Variants in POM121 observed in about 807,000 individuals in gnomAD.
POM121 encodes nuclear envelope pore membrane protein POM 121.
In POM121, 32 loss-of-function variants were observed where a neutral mutation model predicts 81.3. The observed-to-expected ratio is 0.39, with a 90% confidence interval of 0.30 to 0.53. The LOEUF (loss-of-function observed/expected upper bound fraction) is 0.53. Ranked by LOEUF, POM121 falls within the 20% of genes least tolerant of loss-of-function variation. POM121 has a pLI of 0.66. For synonymous variants in POM121, 514 were observed against 694.2 expected (o/e 0.74, Z 4.08); for missense variants, 1,138 against 1,614.6 (o/e 0.70, Z 5.06).
intron 3 of POM121, among the ~76,000 whole-genome samples, chr7:72,900,565 C>T (rs782060272): frequency 2.6e-5 from 4 of 151,838 alleles, no homozygotes; most frequent in Non-Finnish European, 4.4e-5. Flanking sequence ...AGTGCAGTGG[C>T]GCAATCTTGG....
chr7:72,925,221 G>T lies in POM121; in HGVS notation c.100G>T (p.Ala34Ser). ...CCGGGGCTGCGGCGGGCCGGCCAGG[G>T]CGGTGCTCCTGGGCCTGTCGCTGGT... ...RGRGCGGPARAVLLGLSLVGL... is the reference protein window; with the variant it reads ...RGRGCGGPARSVLLGLSLVGL... The change falls in exon 1 of 13, where the codon GCG becomes TCG. Residue 34 changes from alanine (A) to serine (S), a missense_variant. Coordinates refer to ENST00000434423, the MANE Select transcript of POM121 (RefSeq NM_001387691.1). The T allele has an allele frequency of 6.5e-7, 1 of 1,531,198 alleles. No individual in the cohort carries two copies. The highest frequency in any genetic ancestry group is 1.2e-5 in the South Asian group (1 of 83,606). 94.9% of individuals were successfully genotyped at this position (1,531,198 alleles called of 1,614,324 possible).
At chr7:72,941,663 G>C (rs1253124616) in intron 10 of POM121, among the ~76,000 whole-genome samples, 174 bp from the exon 11 acceptor site, 2 of 152,018 alleles carry the variant, frequency 1.3e-5, no homozygotes. Context: ...CTGTGAGGTA[G>C]AAATAACACT....
At chr7:72,887,290 C>T (rs1790819299) in intron 1 of POM121, among the ~76,000 whole-genome samples, 2 of 151,812 alleles carry the variant, frequency 1.3e-5, no homozygotes, top group African/African-American at 2.4e-5. Context: ...GTGCTCTGTG[C>T]CGGTTGTGAA....
chr7:72,882,765 T>G (rs1554489482), intron 1 of POM121, among the ~76,000 whole-genome samples: 1 of 152,194 alleles, frequency 6.6e-6, no homozygotes, highest in East Asian at 1.9e-4. Context: ...TTGTGAAGAT[T>G]TCCTCATTTC....
Position 72,926,836 on chromosome 7 carries a change from C to T in POM121, c.895C>T (p.Pro299Ser), listed in dbSNP as rs1385417819. The T allele has an allele frequency of 6.2e-7, 1 of 1,613,938 alleles. No homozygotes were observed. ...EQIISSTLSS[P>S]SSNAPDPCAK... ...GATAATCAGCTCAACACTGTCCTCACCATCAAGTAACGCCCCAGACCCATG... is the reference window on the plus strand; with the variant it reads ...GATAATCAGCTCAACACTGTCCTCATCATCAAGTAACGCCCCAGACCCATG... Residue 299 changes from proline to serine, a missense_variant, in exon 3 of 13, where the codon CCA becomes TCA. Physicochemically the swap from Pro to Ser is moderately conservative, Grantham distance 74. Transcript: ENST00000434423.
chr7:72,943,349 G>A lies in POM121; in HGVS notation c.3356G>A (p.Gly1119Asp). The change falls in exon 11 of 13, where the codon GGC (glycine) becomes GAC (aspartate). Residue 1119 changes from glycine to aspartate, a missense_variant. Gly to Asp is a moderately conservative substitution (Grantham distance 94, BLOSUM62 -1). Around this residue, in one of 7 missense-constraint regions of POM121, gnomAD observed 336 missense variants for 344.3 expected, o/e 0.98. Coordinates refer to ENST00000434423, the MANE Select transcript of POM121 (RefSeq NM_001387691.1). ...GSFGINVATP[G>D]SSTTTGAFSF... Reference sequence around the variant, plus strand: ...TTTGGGATCAATGTGGCCACCCCAGGCTCCAGCACCACCACCGGAGCTTTC... The same window carrying A: ...TTTGGGATCAATGTGGCCACCCCAGACTCCAGCACCACCACCGGAGCTTTC... The A allele has an allele frequency of 1.2e-6, 2 of 1,612,294 alleles. No homozygotes were observed. The highest frequency in any genetic ancestry group is 1.7e-6 in the Non-Finnish European group (2 of 1,179,474).
At chr7:72,926,206 A>G in intron 1 of POM121, 56 bp from the exon 2 acceptor site, 2 of 1,506,104 alleles carry the variant, frequency 1.3e-6, no homozygotes. Flanking sequence ...TAACCGTTTA[A>G]AAATTTGACA....
intron 3 of POM121, among the ~76,000 whole-genome samples, chr7:72,902,217 A>C (rs1554492752): frequency 6.7e-6 from 1 of 149,662 alleles, no homozygotes; most frequent in East Asian, 1.9e-4. Flanking sequence ...TAGTCTGGTG[A>C]ATTTTTCATT....
At chr7:72,893,789 C>T (rs1554491252) in intron 3 of POM121, among the ~76,000 whole-genome samples, 1 of 152,098 alleles carries the variant, frequency 6.6e-6, no homozygotes, top group East Asian at 1.9e-4. Flanking sequence ...CCATCTTCAT[C>T]CCTACTTACT....
chr7:72,936,337 A>G (rs1554499471), intron 5 of POM121, among the ~76,000 whole-genome samples: 1 of 149,510 alleles, frequency 6.7e-6, no homozygotes, highest in Admixed American at 6.7e-5. Context: ...TAATTTTTGT[A>G]TTCCTTTTTT....
chr7:72,944,343 C>T (rs1445104613), intron 11 of POM121, among the ~76,000 whole-genome samples: 1 of 151,984 alleles, frequency 6.6e-6, no homozygotes, highest in African/African-American at 2.4e-5. Flanking sequence ...GAATGTAGAT[C>T]CCATGGCTTC....
chr7:72,944,650 C>T (rs1554502743), intron 11 of POM121, among the ~76,000 whole-genome samples: 6 of 152,126 alleles, frequency 3.9e-5, no homozygotes, highest in South Asian at 4.1e-4. Flanking sequence ...GGAGGGGCAG[C>T]GGGTCAGTGC....
chr7:72,879,816 C>T (rs1479862440), exon 1 of POM121: 3 of 502,858 alleles, frequency 6.0e-6, no homozygotes, highest in Non-Finnish European at 1.2e-5. Flanking sequence ...AGCAGACGCG[C>T]GCGCCAGCGA....
intron 2 of POM121, 87 bp from the exon 3 acceptor site, chr7:72,926,715 A>T: frequency 6.5e-7 from 1 of 1,541,788 alleles, no homozygotes. Context: ...CCTGTTGGTT[A>T]GCTTCTGATT....
upstream of POM121, among the ~76,000 whole-genome samples, chr7:72,923,896 G>A (rs1258017901): frequency 2.0e-5 from 3 of 151,026 alleles, no homozygotes; most frequent in African/African-American, 4.9e-5. Context: ...CACCGCGCCT[G>A]GCCTTCTTAT....
intron 11 of POM121, among the ~76,000 whole-genome samples, chr7:72,945,118 G>A (rs1470898276): frequency 5.9e-5 from 9 of 152,178 alleles, no homozygotes; most frequent in South Asian, 2.1e-4. Flanking sequence ...AGAGGGCCTC[G>A]GGCAGGCAGC....
intron 5 of POM121, among the ~76,000 whole-genome samples, chr7:72,938,363 G>GT (rs66710315): frequency 0.033 from 4,947 of 151,912 alleles, 139 homozygotes; most frequent in Non-Finnish European, 0.048. Flanking sequence ...TGATTTTTCA[G>GT]TTTTTTTGTA....
intron 5 of POM121, among the ~76,000 whole-genome samples, chr7:72,934,327 C>T (rs1201067414): frequency 1.3e-5 from 2 of 152,132 alleles, no homozygotes; most frequent in African/African-American, 2.4e-5. Context: ...TCAGGTGATC[C>T]GTCCGCCTTG....
intron 1 of POM121, among the ~76,000 whole-genome samples, chr7:72,885,053 G>A (rs1790573087): frequency 1.3e-5 from 2 of 152,168 alleles, no homozygotes; most frequent in African/African-American, 4.8e-5. Flanking sequence ...TGCTTTTTAA[G>A]TCTGTTTAAT....
Sources: gnomAD v4.1 joint callset for allele counts (sites outside exome capture counted in the v4.1 genomes callset) on GRCh38, gnomAD v4.1.1 for gene constraint, gnomAD v4.1.1 regional missense constraint, MANE v1.5 for transcripts, NCBI Gene and HGNC (gene_info 2026-07-23, HGNC 2026-07-21) for gene names.